TG: variants seen among roughly 807,000 people sequenced by gnomAD.
TG encodes thyroglobulin.
TG carries 270 observed loss-of-function variants against 324.7 expected under a neutral mutation model. The ratio of observed to expected loss-of-function variants is 0.83; its 90% confidence interval spans 0.75 to 0.92. The LOEUF is 0.92. Ranked by LOEUF, TG falls within the 40% of genes least tolerant of loss-of-function variation. TG has a pLI of 0.00. For synonymous variants in TG, 1,401 were observed against 1,327.0 expected, an observed-to-expected ratio of 1.06 and a Z score of -1.21; for missense variants, 3,591 against 3,456.4, an observed-to-expected ratio of 1.04 and a Z score of -0.98.
chr8:132,952,650 G>T (rs1826277306), intron 27 of TG, among the ~76,000 whole-genome samples: 1 of 152,196 alleles, frequency 6.6e-6, no homozygotes, highest in South Asian at 2.1e-4. Context: ...TGATTGCCAG[G>T]TGTAGGAAAT....
intron 27 of TG, among the ~76,000 whole-genome samples, chr8:132,954,480 A>G (rs917654532): frequency 6.6e-6 from 1 of 152,198 alleles, no homozygotes; most frequent in African/African-American, 2.4e-5. Flanking sequence ...CTCTGAGGCC[A>G]GTTGTACTTA....
intron 39 of TG, among the ~76,000 whole-genome samples, chr8:133,021,613 T>A (rs1835572381): frequency 6.6e-6 from 1 of 152,206 alleles, no homozygotes; most frequent in South Asian, 2.1e-4. Context: ...GATCAAGGTG[T>A]TGCAGGACTG....
rs568213980 is a variant in TG at position 132,989,726 on chromosome 8, G to A, written c.6262+6314G>A. Among the ~76,000 whole-genome samples the A allele has an allele frequency of 1.2e-3, 184 of 152,174 alleles. 1 individual carries two copies. Among genetic ancestry groups the A allele is most frequent in the Non-Finnish European group, 1.7e-3 (116 of 68,044 alleles). On this transcript the variant is annotated intron_variant, in intron 35 of 47. Transcript: ENST00000220616. The stretch of plus-strand genomic sequence containing the variant: ...GCCCGTGGGTTGACGGAATTCACTT[G>A]ATCTTTTCTGCAAATGTTTTTCATT...
chr8:133,103,543 G>C (rs1849523020), intron 43 of TG, among the ~76,000 whole-genome samples: 1 of 152,106 alleles, frequency 6.6e-6, no homozygotes, highest in Non-Finnish European at 1.5e-5. Context: ...TGACTGCATT[G>C]TTATAAGGAT....
chr8:133,038,981 G>A (rs936678378), intron 41 of TG, among the ~76,000 whole-genome samples: 7 of 152,128 alleles, frequency 4.6e-5, no homozygotes, highest in East Asian at 1.9e-4. Context: ...AGGCTCAAGC[G>A]ATTCTCCCTC....
intron 21 of TG, among the ~76,000 whole-genome samples, chr8:132,920,391 T>G (rs1319369087): frequency 6.6e-6 from 1 of 152,238 alleles, no homozygotes; most frequent in Non-Finnish European, 1.5e-5. Context: ...ATCAAGATAC[T>G]TTCTTTGCTC....
rs568710536 is a variant in TG at position 133,133,744 on chromosome 8, C to T, written c.8188+84C>T. 68 of 1,477,170 alleles carry T rather than the reference C, an allele frequency of 4.6e-5. No homozygotes were observed. In the East Asian group the frequency reaches 8.8e-4, roughly 19 times the overall value. 91.5% of individuals were successfully genotyped at this position (1,477,170 alleles called of 1,614,324 possible). ...CTCGCTGCATGAGACCTGTGCTGCG[C>T]GCGCATTGGAGCCAAGGGGTCACCA... On this transcript the variant is annotated intron_variant, in intron 47 of 47. Transcript: ENST00000220616.
intron 27 of TG, among the ~76,000 whole-genome samples, chr8:132,952,895 A>G (rs960549987): frequency 1.3e-5 from 2 of 152,220 alleles, no homozygotes; most frequent in African/African-American, 4.8e-5. Context: ...TTAGGAGACC[A>G]GTGCTATCTT....
At chr8:132,985,641 G>T (rs941376872) in intron 35 of TG, among the ~76,000 whole-genome samples, 4 of 152,152 alleles carry the variant, frequency 2.6e-5, no homozygotes, top group African/African-American at 7.2e-5. Flanking sequence ...CAATTGTCAA[G>T]ATTTTCAGCT....
Position 133,047,536 on chromosome 8 carries a change from C to T in TG, c.7239+17513C>T, listed in dbSNP as rs746848772. ...TTCTATCTGCACAGCATGCTGCCTA[C>T]ACACTGCGTTCAGTTTTGTTCTCAG... On this transcript the variant is annotated intron_variant, in intron 41 of 47. Coordinates refer to ENST00000220616, the MANE Select transcript of TG (RefSeq NM_003235.5). 1.6e-5 allele frequency: 7 copies of T among 433,244 alleles called. No individual in the cohort carries two copies. The East Asian group carries it at 2.0e-4, about 12-fold the overall frequency. 26.8% of individuals were successfully genotyped at this position (433,244 alleles called of 1,614,324 possible).
chr8:132,884,524 C>T (rs16904772), intron 8 of TG, among the ~76,000 whole-genome samples: 5,991 of 152,158 alleles, frequency 0.039, 275 homozygotes, highest in African/African-American at 0.11. Context: ...TCCATTTGTC[C>T]CACTTAACCT....
chr8:133,011,626 A>G (rs1209804752), intron 35 of TG, among the ~76,000 whole-genome samples: 1 of 152,144 alleles, frequency 6.6e-6, no homozygotes. Context: ...CCATTCTACT[A>G]TGAGCTGCTT....
At chr8:132,966,832 A>G in intron 30 of TG, 135 bp downstream of exon 30, 1 of 1,071,010 alleles carries the variant, frequency 9.3e-7, no homozygotes, top group Non-Finnish European at 1.4e-6. Context: ...GGATGATATA[A>G]AAGAAAGATA....
chr8:133,016,301 G>A (rs1454599230), intron 37 of TG, among the ~76,000 whole-genome samples: 4 of 152,132 alleles, frequency 2.6e-5, no homozygotes, highest in African/African-American at 9.7e-5. Context: ...TGTTGTATAT[G>A]TGTGGGAGCA....
At chr8:133,098,056 C>G (rs986413675) in intron 43 of TG, among the ~76,000 whole-genome samples, 7 of 152,128 alleles carry the variant, frequency 4.6e-5, no homozygotes, top group Non-Finnish European at 7.3e-5. Context: ...GTACCTGATC[C>G]ATTTCAACAT....
rs1474539 is a variant in TG at position 132,933,844 on chromosome 8, T to C, written c.4932+168T>C. Among the ~76,000 whole-genome samples, 78,629 of 151,862 alleles carry C rather than the reference T, an allele frequency of 0.52. 21,803 individuals are homozygous for C. Among genetic ancestry groups the C allele is most frequent in the Non-Finnish European group, 0.61 (41,622 of 67,940 alleles). On this transcript the variant is annotated intron_variant, in intron 24 of 47. Transcript: ENST00000220616. ...ATGGGACTTTGGCAAATTGAAGCTG[T>C]GATAGTCCAGAGACAGACCCAAGAT...
intron 35 of TG, among the ~76,000 whole-genome samples, chr8:132,999,541 G>A (rs1833243048): frequency 6.6e-6 from 1 of 152,296 alleles, no homozygotes; most frequent in Non-Finnish European, 1.5e-5. Flanking sequence ...CCATTGAGGT[G>A]CATAACGACT....
At chr8:133,081,594 A>G (rs1321805801) in intron 41 of TG, among the ~76,000 whole-genome samples, 2 of 151,920 alleles carry the variant, frequency 1.3e-5, no homozygotes, top group Non-Finnish European at 2.9e-5. Context: ...AGAAGAAAAA[A>G]AAAGTAGCCG....
Position 132,969,581 on chromosome 8 carries a change from G to A in TG, c.5975+12G>A, listed in dbSNP as rs370941097. The A allele has an allele frequency of 5.4e-6, 8 of 1,485,198 alleles. No individual in the cohort carries two copies. Among genetic ancestry groups the A allele is most frequent in the Non-Finnish European group, 7.5e-6 (8 of 1,063,024 alleles). The allele number at this position is 1,485,198 out of a possible 1,614,324, so 92.0% of individuals were successfully genotyped here. A position where few individuals can be genotyped will look rare whatever the true frequency, so the allele number is the denominator to read the frequency against. On this transcript the variant is annotated intron_variant, in intron 32 of 47. Coordinates refer to ENST00000220616, the MANE Select transcript of TG (RefSeq NM_003235.5). ...TCTATTTCTAATGGGTAAGCTACTTGTGTCTCACCCCTAATGTTTATTATG... is the reference window on the plus strand; with the variant it reads ...TCTATTTCTAATGGGTAAGCTACTTATGTCTCACCCCTAATGTTTATTATG...
Sources: allele counts gnomAD v4.1 joint callset (sites outside exome capture counted in the v4.1 genomes callset), GRCh38; gene constraint gnomAD v4.1.1; transcripts MANE v1.5; gene names NCBI Gene and HGNC (gene_info 2026-07-23, HGNC 2026-07-21).